ATP6V0A4: variants seen among roughly 807,000 people sequenced by gnomAD.
The protein encoded by ATP6V0A4 is ATPase H+ transporting V0 subunit a4.
Under a neutral mutation model 107.3 loss-of-function variants are expected in ATP6V0A4, and 86 were observed. The observed-to-expected ratio is 0.80, with a 90% CI of 0.67 to 0.96. The LOEUF is 0.96. Among genes scored for constraint, ATP6V0A4 ranks in the 40% least tolerant of loss-of-function variants. ATP6V0A4 has a pLI of 0.00. For missense variants in ATP6V0A4, 908 were observed against 1,045.6 expected, an observed-to-expected ratio of 0.87 and a Z score of 1.81; for synonymous variants, 353 against 381.4, an observed-to-expected ratio of 0.93 and a Z score of 0.87.
chr7:138,720,929 A>C (rs1047747029), intron 19 of ATP6V0A4, among the ~76,000 whole-genome samples: 2 of 152,124 alleles, frequency 1.3e-5, no homozygotes, highest in Admixed American at 6.6e-5. Context: ...GAGCCACCAC[A>C]CATGGCTATC....
At chr7:138,771,376 G>A (rs1807378816) in intron 2 of ATP6V0A4, 112 bp from the exon 3 acceptor site, 2 of 1,254,316 alleles carry the variant, frequency 1.6e-6, no homozygotes, top group Admixed American at 2.3e-5. Flanking sequence ...AAATCCATTA[G>A]GAATCACTTC....
chr7:138,757,441 A>T (rs2117302620), intron 8 of ATP6V0A4, among the ~76,000 whole-genome samples: 1 of 152,270 alleles, frequency 6.6e-6, no homozygotes, highest in South Asian at 2.1e-4. Flanking sequence ...GTTTGAGCCC[A>T]GGAAGTCGAG....
At chr7:138,715,432 TCAAA>T (rs965935270) in intron 20 of ATP6V0A4, among the ~76,000 whole-genome samples, 1 of 152,146 alleles carries the variant, frequency 6.6e-6, no homozygotes, top group African/African-American at 2.4e-5. Context: ...ACTCCTGGGC[TCAAA>T]CAATTCGCCC....
intron 8 of ATP6V0A4, among the ~76,000 whole-genome samples, chr7:138,756,769 C>G (rs934686702): frequency 6.6e-6 from 1 of 152,118 alleles, no homozygotes; most frequent in Non-Finnish European, 1.5e-5. Flanking sequence ...TCCCTGTTCC[C>G]GATGCTGGTT....
chr7:138,759,689 A>C, intron 8 of ATP6V0A4, 63 bp downstream of exon 8: 1 of 1,572,886 alleles, frequency 6.4e-7, no homozygotes, highest in Non-Finnish European at 8.7e-7. Flanking sequence ...TGGGAGAACG[A>C]AGCGCTTCTG....
chr7:138,747,284 G>A, intron 13 of ATP6V0A4, 141 bp downstream of exon 13: 2 of 1,116,198 alleles, frequency 1.8e-6, no homozygotes, highest in Non-Finnish European at 1.3e-6. Context: ...TTGGCCAGAA[G>A]TTTTAGGTTA....
At chr7:138,780,878 CT>C (rs1254004529) in intron 2 of ATP6V0A4, among the ~76,000 whole-genome samples, 2 of 151,474 alleles carry the variant, frequency 1.3e-5, no homozygotes, top group Non-Finnish European at 2.9e-5. Flanking sequence ...GCACTCCAGC[CT>C]GGGTGAAAGA....
At chr7:138,716,574 TTG>T (rs1491407524) in intron 19 of ATP6V0A4, among the ~76,000 whole-genome samples, 11 of 94,782 alleles carry the variant, frequency 1.2e-4, no homozygotes, top group Non-Finnish European at 1.8e-4. Context: ...CAATTTTTTT[TTG>T]GGGGGGGGGG....
Position 138,707,068 on chromosome 7 carries a change from A to G in ATP6V0A4, c.2430-351T>C, listed in dbSNP as rs1340675841. 3.1e-4 allele frequency among the ~76,000 whole-genome samples: 28 copies of G among 90,088 alleles called. No homozygotes were observed. In the East Asian group the frequency reaches 3.3e-3, roughly 10 times the overall value. The allele number at this position is 90,088 out of a possible 152,430, so 59.1% of individuals were successfully genotyped here. On this transcript the variant is annotated intron_variant, in intron 21 of 21. Coordinates refer to ENST00000310018, the MANE Select transcript of ATP6V0A4 (RefSeq NM_020632.3). ...ATACCACCATGCCTAGCTAATTTAT[A>G]TGTGTGTGTGTGTGTGTGTGTGTGT...
chr7:138,783,708 A>G (rs529368558), intron 2 of ATP6V0A4, among the ~76,000 whole-genome samples: 1 of 152,156 alleles, frequency 6.6e-6, no homozygotes, highest in Non-Finnish European at 1.5e-5. Flanking sequence ...CCAAGGTGAC[A>G]AGAGTAAGAC....
intron 14 of ATP6V0A4, among the ~76,000 whole-genome samples, chr7:138,741,426 T>C (rs538531158): frequency 1.3e-5 from 2 of 152,080 alleles, no homozygotes; most frequent in Non-Finnish European, 2.9e-5. Flanking sequence ...TGTTTGTGTG[T>C]TCATAAAGGG....
chr7:138,766,729 G>A (rs1807112383), intron 5 of ATP6V0A4, among the ~76,000 whole-genome samples: 1 of 152,102 alleles, frequency 6.6e-6, no homozygotes, highest in African/African-American at 2.4e-5. Flanking sequence ...GCCTTGGCAT[G>A]GTTGAAGTCA....
chr7:138,789,222 G>GTT (rs779547524), intron 1 of ATP6V0A4, among the ~76,000 whole-genome samples: 11 of 150,434 alleles, frequency 7.3e-5, no homozygotes, highest in Admixed American at 4.6e-4. Flanking sequence ...TTTTTGGGGG[G>GTT]TTTTTTTTTG....
intron 20 of ATP6V0A4, among the ~76,000 whole-genome samples, chr7:138,713,640 G>A (rs1803866237): frequency 6.6e-6 from 1 of 152,128 alleles, no homozygotes; most frequent in South Asian, 2.1e-4. Flanking sequence ...CAGAACCACA[G>A]GAAGGCATCT....
chr7:138,764,132 A>G lies in ATP6V0A4; in HGVS notation c.292-1107T>C, dbSNP rs556448111. ...ATTTTTTAACATGTAAAGCTATACC[A>G]TATGTTATTTAGAAAAATAAATATG... On this transcript the variant is annotated intron_variant, in intron 5 of 21. Coordinates refer to ENST00000310018, the MANE Select transcript of ATP6V0A4 (RefSeq NM_020632.3). Among the ~76,000 whole-genome samples the G allele has an allele frequency of 3.8e-4, 57 of 151,864 alleles. 1 individual carries two copies. The South Asian group carries it at 0.011, about 29-fold the overall frequency.
At position 138,771,014 on chromosome 7, in the gene ATP6V0A4, C is replaced by T. The variant is rs1263800265; in HGVS notation, c.117+117G>A. On this transcript the variant is annotated intron_variant, in intron 3 of 21. Coordinates refer to ENST00000310018, the MANE Select transcript of ATP6V0A4 (RefSeq NM_020632.3). Reference sequence around the variant, plus strand: ...TAAAACTACAGAATTTCATCGATTCCAGCTCACGGCTCCTCTCCCTACAAA... The same window carrying T: ...TAAAACTACAGAATTTCATCGATTCTAGCTCACGGCTCCTCTCCCTACAAA... 8 of 1,062,474 alleles carry T rather than the reference C, an allele frequency of 7.5e-6. No homozygotes were observed. The South Asian group carries it at 1.0e-4, about 13-fold the overall frequency. The allele number at this position is 1,062,474 out of a possible 1,614,324, so 65.8% of individuals were successfully genotyped here.
intron 11 of ATP6V0A4, among the ~76,000 whole-genome samples, chr7:138,750,743 C>T (rs113333349): frequency 0.013 from 1,967 of 152,302 alleles, 31 homozygotes; most frequent in African/African-American, 0.036. Flanking sequence ...GACGCACCCC[C>T]GCCCTGCTCA....
rs79304614 is a variant in ATP6V0A4, at chr7:138,733,470, T to C, written c.1692-377A>G. 3.5e-3 allele frequency among the ~76,000 whole-genome samples: 516 copies of C among 145,552 alleles called. 3 individuals are homozygous for C. The highest frequency in any genetic ancestry group is 0.012 in the African/African-American group (493 of 39,482). On this transcript the variant is annotated intron_variant, in intron 16 of 21. Transcript: ENST00000310018. ...TATATAATGGGGACCTGGAAGCTTTTTCCTAAGAATGCTCTAAGATAGGGG... is the reference window on the plus strand; with the variant it reads ...TATATAATGGGGACCTGGAAGCTTTCTCCTAAGAATGCTCTAAGATAGGGG...
At chr7:138,730,780 G>A (rs1002033735) in intron 17 of ATP6V0A4, among the ~76,000 whole-genome samples, 3 of 152,036 alleles carry the variant, frequency 2.0e-5, no homozygotes, top group Admixed American at 6.6e-5. Context: ...TTCAAAATAC[G>A]TTCAGTTCAT....
Sources: allele counts gnomAD v4.1 joint callset (sites outside exome capture counted in the v4.1 genomes callset), GRCh38; gene constraint gnomAD v4.1.1; transcripts MANE v1.5; gene names NCBI Gene and HGNC (gene_info 2026-07-23, HGNC 2026-07-21).